Variants in TBC1D14 observed in about 807,000 individuals in gnomAD.
The protein encoded by TBC1D14 is TBC1 domain family, member 14.
In TBC1D14, 26 loss-of-function variants were observed where a neutral mutation model predicts 79.0. That is an observed-to-expected ratio of 0.33 (90% CI 0.24 to 0.46). The LOEUF (loss-of-function observed/expected upper bound fraction) is 0.46, where lower values mean the gene tolerates loss of function less well. Among genes scored for constraint, TBC1D14 ranks in the 20% least tolerant of loss-of-function variants. The pLI, the probability that TBC1D14 is intolerant of heterozygous loss-of-function variation, is 1.00. For synonymous variants in TBC1D14, 394 were observed against 349.9 expected (o/e 1.13, Z -1.40); for missense variants, 769 against 887.6 (o/e 0.87, Z 1.70).
intron 12 of TBC1D14, among the ~76,000 whole-genome samples, chr4:7,023,620 CT>C (rs1162880381): frequency 9.9e-5 from 15 of 152,246 alleles, no homozygotes; most frequent in African/African-American, 3.6e-4. Context: ...GACGGTGCTG[CT>C]GCCTCATGGT....
At chr4:7,023,605 C>T (rs1157067137) in intron 12 of TBC1D14, among the ~76,000 whole-genome samples, 2 of 152,226 alleles carry the variant, frequency 1.3e-5, no homozygotes, top group Admixed American at 6.5e-5. Context: ...TCCTACCAAG[C>T]CTGCGACGGT....
intron 3 of TBC1D14, among the ~76,000 whole-genome samples, chr4:6,991,145 T>C (rs1307829953): frequency 6.6e-6 from 1 of 152,254 alleles, no homozygotes; most frequent in Non-Finnish European, 1.5e-5. Flanking sequence ...CCACCTGTGT[T>C]ACTTTATTAT....
At chr4:6,942,760 A>C (rs1056066106) in intron 2 of TBC1D14, among the ~76,000 whole-genome samples, 1 of 152,102 alleles carries the variant, frequency 6.6e-6, no homozygotes, top group African/African-American at 2.4e-5. Flanking sequence ...AGGAAGAAGG[A>C]AGGTGAGGGG....
At chr4:6,934,210 G>T (rs1712073766) in intron 2 of TBC1D14, among the ~76,000 whole-genome samples, 3 of 152,042 alleles carry the variant, frequency 2.0e-5, no homozygotes, top group Admixed American at 6.6e-5. Flanking sequence ...GGACCAAGGA[G>T]TGAGCCTGAG....
intron 12 of TBC1D14, among the ~76,000 whole-genome samples, chr4:7,019,911 C>T (rs35535551): frequency 1.2e-4 from 7 of 59,890 alleles, no homozygotes; most frequent in Admixed American, 3.6e-4. Flanking sequence ...ATGTGAACCC[C>T]GCTGGGCTCA....
chr4:6,984,247 C>T (rs1008550690), intron 3 of TBC1D14, among the ~76,000 whole-genome samples: 3 of 152,180 alleles, frequency 2.0e-5, no homozygotes, highest in African/African-American at 7.2e-5. Flanking sequence ...TCAGTATCCT[C>T]TGCAGAGGTA....
chr4:7,017,931 G>C (rs1721440296), intron 12 of TBC1D14, among the ~76,000 whole-genome samples: 1 of 152,196 alleles, frequency 6.6e-6, no homozygotes, highest in Non-Finnish European at 1.5e-5. Flanking sequence ...TCAGAAACAG[G>C]TTGGGCAGTA....
chr4:7,013,456 G>A (rs1720970922), intron 11 of TBC1D14, among the ~76,000 whole-genome samples: 1 of 152,254 alleles, frequency 6.6e-6, no homozygotes, highest in Non-Finnish European at 1.5e-5. Flanking sequence ...GCCACTATCA[G>A]ACGGGTGCTG....
intron 2 of TBC1D14, among the ~76,000 whole-genome samples, chr4:6,937,985 C>G (rs1354767074): frequency 6.6e-6 from 1 of 152,146 alleles, no homozygotes; most frequent in African/African-American, 2.4e-5. Flanking sequence ...TCTGGTGAGC[C>G]TGGTCCAGGA....
At chr4:6,971,290 T>C (rs964639157) in intron 3 of TBC1D14, among the ~76,000 whole-genome samples, 1 of 152,242 alleles carries the variant, frequency 6.6e-6, no homozygotes. Context: ...TGTGGTGTAT[T>C]TTTGCCCAGG....
intron 2 of TBC1D14, among the ~76,000 whole-genome samples, chr4:6,961,384 G>A (rs1197676110): frequency 6.7e-6 from 1 of 149,494 alleles, no homozygotes; most frequent in Non-Finnish European, 1.5e-5. Context: ...CTTGTCAACT[G>A]TGACCCCCCA....
intron 1 of TBC1D14, chr4:6,910,645 C>T (rs554854277): frequency 6.6e-6 from 1 of 152,246 alleles, no homozygotes; most frequent in South Asian, 2.1e-4. Context: ...AGGAGTCTCT[C>T]TAGGCTGTGG....
rs1242370763 is a variant in TBC1D14 at position 6,946,466 on chromosome 4, C to T, written c.723-20838C>T. ...TCCTGAGTAGCTGGGATTACAGGTG[C>T]GTGCCACCAGGCCCAGCTAATTTTT... On this transcript the variant is annotated intron_variant, in intron 2 of 13. Transcript: ENST00000409757. 2.6e-5 allele frequency among the ~76,000 whole-genome samples: 4 copies of T among 152,154 alleles called. No homozygotes were observed. In the East Asian group the frequency reaches 5.8e-4, roughly 22 times the overall value.
At chr4:6,987,754 GAGAC>G in intron 3 of TBC1D14, among the ~76,000 whole-genome samples, 1 of 152,244 alleles carries the variant, frequency 6.6e-6, no homozygotes, top group Non-Finnish European at 1.5e-5. Context: ...GTATGGAGAT[GAGAC>G]TGCGCTCCGA....
Position 6,969,349 on chromosome 4 carries a change from A to G in TBC1D14, c.843+1925A>G, listed in dbSNP as rs546887514. Among the ~76,000 whole-genome samples, 24 of 152,316 alleles carry G rather than the reference A, an allele frequency of 1.6e-4. No homozygotes were observed. The East Asian group carries it at 4.2e-3, about 27-fold the overall frequency. On this transcript the variant is annotated intron_variant, in intron 3 of 13. Coordinates refer to ENST00000409757, the MANE Select transcript of TBC1D14 (RefSeq NM_020773.3). ...ACATTAAAAAGAAATAGATCTTCCC[A>G]TGGCACTTAATATCACTTACATAAT... is the stretch of plus-strand genomic sequence containing the variant.
intron 13 of TBC1D14, among the ~76,000 whole-genome samples, chr4:7,029,291 A>C (rs1041245054): frequency 6.6e-6 from 1 of 152,252 alleles, no homozygotes; most frequent in Non-Finnish European, 1.5e-5. Flanking sequence ...TCAAAGTGGC[A>C]TGGTTCCTGG....
Position 6,957,514 on chromosome 4 carries a change from C to T in TBC1D14, c.723-9790C>T, listed in dbSNP as rs938240565. 5.9e-5 allele frequency among the ~76,000 whole-genome samples: 9 copies of T among 152,366 alleles called. No individual in the cohort carries two copies. In the Middle Eastern group the frequency reaches 0.01, roughly 173 times the overall value. On this transcript the variant is annotated intron_variant, in intron 2 of 13. Coordinates refer to ENST00000409757, the MANE Select transcript of TBC1D14 (RefSeq NM_020773.3). ...TGTTCTGAAGCCGGGGGCACACTTC[C>T]TCTCCTTTACCCATATAGCGCTCGC... is the stretch of plus-strand genomic sequence containing the variant.
rs541111588 is a variant in TBC1D14, at chr4:7,006,734, G to T, written c.1446+8G>T. ...CTCTGCATTTTCCAGCAAGTAAGTG[G>T]TGGTGACTTGTTGCTTTCAAGTATG... On this transcript the variant is annotated splice_region_variant and intron_variant, in intron 9 of 13. Coordinates refer to ENST00000409757, the MANE Select transcript of TBC1D14 (RefSeq NM_020773.3). 5.6e-6 allele frequency: 9 copies of T among 1,608,850 alleles called. No homozygotes were observed. In the African/African-American group the frequency reaches 9.3e-5, roughly 17 times the overall value.
Position 7,004,307 on chromosome 4 carries a change from T to C in TBC1D14, c.1271-537T>C, listed in dbSNP as rs569545522. On this transcript the variant is annotated intron_variant, in intron 7 of 13. Transcript: ENST00000409757. ...GTTTTTTGAAGCTTCTGCGTATTCC[T>C]GGGATCTTCCCCCACCCCTGCTTCA... Among the ~76,000 whole-genome samples, 96 of 152,346 alleles carry C rather than the reference T, an allele frequency of 6.3e-4. 1 individual carries two copies. Among genetic ancestry groups the C allele is most frequent in the Non-Finnish European group, 1.1e-3 (78 of 68,016 alleles).
Sources: allele counts gnomAD v4.1 joint callset (sites outside exome capture counted in the v4.1 genomes callset), GRCh38; gene constraint gnomAD v4.1.1; transcripts MANE v1.5; gene names NCBI Gene and HGNC (gene_info 2026-07-23, HGNC 2026-07-21).